ACOT7: variants seen among roughly 807,000 people sequenced by gnomAD.
ACOT7 encodes cytosolic acyl coenzyme A thioester hydrolase.
A neutral mutation model predicts 40.2 loss-of-function variants in ACOT7; 12 were observed. That is an observed-to-expected ratio of 0.30 (90% CI 0.19 to 0.48). The LOEUF (loss-of-function observed/expected upper bound fraction) is 0.48. Ranked by LOEUF, ACOT7 falls within the 20% of genes least tolerant of loss-of-function variation. The pLI is 0.99. For synonymous variants in ACOT7, 228 were observed against 219.5 expected (o/e 1.04, Z -0.34); for missense variants, 395 against 530.8 (o/e 0.74, Z 2.51).
intron 5 of ACOT7, among the ~76,000 whole-genome samples, chr1:6,324,155 C>T (rs1640736126): frequency 6.6e-6 from 1 of 152,108 alleles, no homozygotes; most frequent in Non-Finnish European, 1.5e-5. Flanking sequence ...GATGAGCCCA[C>T]CCCTGGGCTC....
At chr1:6,348,561 C>T (rs1420126707) in intron 2 of ACOT7, among the ~76,000 whole-genome samples, 1 of 152,084 alleles carries the variant, frequency 6.6e-6, no homozygotes, top group Non-Finnish European at 1.5e-5. Flanking sequence ...GGATTAGTGT[C>T]CTTATAAAAG....
intron 2 of ACOT7, among the ~76,000 whole-genome samples, chr1:6,340,289 A>G (rs985392564): frequency 3.9e-5 from 6 of 152,168 alleles, no homozygotes; most frequent in African/African-American, 1.4e-4. Flanking sequence ...TCCTAAACAC[A>G]AAAGCACAGG....
At chr1:6,307,851 G>A (rs1462968264) in intron 6 of ACOT7, among the ~76,000 whole-genome samples, 2 of 151,756 alleles carry the variant, frequency 1.3e-5, no homozygotes, top group African/African-American at 4.8e-5. Context: ...CAACTGGGCA[G>A]AGGGAACCAC....
At chr1:6,345,897 A>G (rs558865769) in intron 2 of ACOT7, among the ~76,000 whole-genome samples, 3 of 152,208 alleles carry the variant, frequency 2.0e-5, no homozygotes, top group Admixed American at 6.5e-5. Context: ...GACGCTCTCC[A>G]TGACGGTTGA....
intron 1 of ACOT7, among the ~76,000 whole-genome samples, chr1:6,377,733 A>C (rs1642260422): frequency 6.6e-6 from 1 of 152,194 alleles, no homozygotes; most frequent in Non-Finnish European, 1.5e-5. Flanking sequence ...TGAACACAGC[A>C]ACAAAACAGC....
intron 3 of ACOT7, 120 bp downstream of exon 3, chr1:6,339,313 G>C (rs752454133): frequency 7.2e-7 from 1 of 1,396,840 alleles, no homozygotes; most frequent in African/African-American, 1.4e-5. Context: ...TGGGAGGTGA[G>C]AGAGGTCTCA....
rs1641201857 is a variant in ACOT7 at position 6,339,521 on chromosome 1, C to T, written c.330G>A (p.Glu110=). The change falls in exon 3 of 9, where the codon GAG becomes GAA. Residue 110 remains glutamate, a synonymous_variant. Coordinates refer to ENST00000361521, the MANE Select transcript of ACOT7 (RefSeq NM_007274.4). ...TGATCTCCGCGCTGACATGCGCCAC[C>T]TCACCGATGCACATGGGAGACAGGA... ...TDFLSPMCIG[E]VAHVSAEITY... The T allele has an allele frequency of 6.2e-7, 1 of 1,613,682 alleles. No homozygotes were observed. Among genetic ancestry groups the T allele is most frequent in the Non-Finnish European group, 8.5e-7 (1 of 1,180,030 alleles).
At chr1:6,271,727 C>T (rs920298818) in intron 8 of ACOT7, among the ~76,000 whole-genome samples, 2 of 152,234 alleles carry the variant, frequency 1.3e-5, no homozygotes, top group Middle Eastern at 3.2e-3. Context: ...AGAAAGCAGC[C>T]GGAAGTCTCA....
At position 6,306,922 on chromosome 1, in the gene ACOT7, G is replaced by A; in HGVS notation, c.712+11570C>T. On this transcript the variant is annotated intron_variant, in intron 6 of 8. Transcript: ENST00000361521. The surrounding 1 kb of genome is among the most constrained non-coding windows in gnomAD (Gnocchi z 4.3). ...GATTGTTTTTTCACAACTGCCCCAA[G>A]AAGACCAAGTGAACAAGAGCGTCTT... 7.8e-7 allele frequency: 1 copy of A among 1,289,038 alleles called. No individual in the cohort carries two copies. The highest frequency in any genetic ancestry group is 1.0e-6 in the Non-Finnish European group (1 of 988,668). The allele number at this position is 1,289,038 out of a possible 1,614,324, so 79.9% of individuals were successfully genotyped here.
chr1:6,327,932 C>T (rs1640851649), intron 4 of ACOT7, among the ~76,000 whole-genome samples: 1 of 152,082 alleles, frequency 6.6e-6, no homozygotes, highest in Admixed American at 6.6e-5. Flanking sequence ...CGCCACCATG[C>T]CCGGCTAATT....
intron 5 of ACOT7, among the ~76,000 whole-genome samples, chr1:6,326,044 G>T (rs1221141375): frequency 6.6e-6 from 1 of 152,180 alleles, no homozygotes; most frequent in East Asian, 1.9e-4. Context: ...CATGACCAGG[G>T]TCTCCCAAGG....
chr1:6,272,052 T>C (rs1177289298), intron 8 of ACOT7, among the ~76,000 whole-genome samples: 2 of 152,198 alleles, frequency 1.3e-5, no homozygotes, highest in Non-Finnish European at 2.9e-5. Context: ...ACAACACCAA[T>C]AATGATCATA....
At chr1:6,392,892 G>C (rs945797133) in intron 1 of ACOT7, among the ~76,000 whole-genome samples, 5 of 152,168 alleles carry the variant, frequency 3.3e-5, no homozygotes, top group Non-Finnish European at 7.4e-5. Flanking sequence ...CGGGATGCTC[G>C]GGCGAGGCCC....
At position 6,306,803 on chromosome 1, in the gene ACOT7, G is replaced by A; in HGVS notation, c.712+11689C>T. The stretch of plus-strand genomic sequence containing the variant: ...TGTTGTGTCCCACGTAGCAGTGGGG[G>A]CTCCGGCCAAACAAGGTCACGGAAT... On this transcript the variant is annotated intron_variant, in intron 6 of 8. Transcript: ENST00000361521. The surrounding 1 kb of genome is among the most constrained non-coding windows in gnomAD (Gnocchi z 4.3). 1.6e-6 allele frequency: 2 copies of A among 1,288,878 alleles called. No individual in the cohort carries two copies. The highest frequency in any genetic ancestry group is 2.3e-5 in the Admixed American group (1 of 43,558). The allele number at this position is 1,288,878 out of a possible 1,614,324, so 79.8% of individuals were successfully genotyped here.
chr1:6,287,680 A>G (rs1003638766), intron 7 of ACOT7, among the ~76,000 whole-genome samples: 3 of 152,208 alleles, frequency 2.0e-5, no homozygotes, highest in African/African-American at 7.2e-5. Context: ...GCGTCTCTCC[A>G]GGGGCGGCAG....
intron 6 of ACOT7, among the ~76,000 whole-genome samples, chr1:6,314,710 A>G (rs1640433224): frequency 6.6e-6 from 1 of 152,134 alleles, no homozygotes; most frequent in Non-Finnish European, 1.5e-5. Context: ...GGAAGACAGA[A>G]ACCAAAAGCC....
intron 5 of ACOT7, among the ~76,000 whole-genome samples, chr1:6,327,054 T>C (rs528873073): frequency 6.6e-6 from 1 of 152,250 alleles, no homozygotes; most frequent in East Asian, 1.9e-4. Context: ...CCACGCACAG[T>C]GCCCTCTGGG....
intron 1 of ACOT7, among the ~76,000 whole-genome samples, chr1:6,367,906 AGAG>A (rs1295528416): frequency 6.6e-6 from 1 of 152,206 alleles, no homozygotes; most frequent in African/African-American, 2.4e-5. Flanking sequence ...AGCAAGACAA[AGAG>A]GAGCTTTATT....
intron 8 of ACOT7, among the ~76,000 whole-genome samples, chr1:6,266,161 C>T (rs925230880): frequency 4.6e-5 from 7 of 152,230 alleles, no homozygotes; most frequent in Non-Finnish European, 1.0e-4. Context: ...CCCGCTGCTA[C>T]GGTTTGATCT....
Sources: gnomAD v4.1 joint callset for allele counts (sites outside exome capture counted in the v4.1 genomes callset) on GRCh38, gnomAD v4.1.1 for gene constraint, Gnocchi (gnomAD v3.1) non-coding constraint, MANE v1.5 for transcripts, NCBI Gene and HGNC (gene_info 2026-07-23, HGNC 2026-07-21) for gene names.